Variants in ITGA9 observed in about 807,000 individuals in gnomAD.
The protein encoded by ITGA9 is integrin alpha-9.
A neutral mutation model predicts 127.8 loss-of-function variants in ITGA9; 56 were observed. The ratio of observed to expected loss-of-function variants is 0.44; its 90% CI spans 0.35 to 0.55. The LOEUF (loss-of-function observed/expected upper bound fraction) is 0.55, where lower values mean the gene tolerates loss of function less well. ITGA9 is among the 20% of genes least tolerant of loss of function. The pLI, the probability that ITGA9 is intolerant of heterozygous loss-of-function variation, is 0.00. For synonymous variants in ITGA9, 508 were observed against 514.5 expected, an observed-to-expected ratio of 0.99 and a Z score of 0.17; for missense variants, 1,196 against 1,347.1, an observed-to-expected ratio of 0.89 and a Z score of 1.76.
chr3:37,681,837 C>G (rs768617211), intron 17 of ITGA9, among the ~76,000 whole-genome samples: 1 of 152,030 alleles, frequency 6.6e-6, no homozygotes, highest in Non-Finnish European at 1.5e-5. Flanking sequence ...CATCTCCTCA[C>G]CTCTCAAACG....
At chr3:37,703,578 C>G (rs1425972345) in intron 18 of ITGA9, among the ~76,000 whole-genome samples, 2 of 152,148 alleles carry the variant, frequency 1.3e-5, no homozygotes, top group Admixed American at 6.5e-5. Context: ...ATATTTGTAT[C>G]TATAGTCATA....
At chr3:37,697,181 T>C (rs1194480983) in intron 18 of ITGA9, among the ~76,000 whole-genome samples, 1 of 152,162 alleles carries the variant, frequency 6.6e-6, no homozygotes, top group African/African-American at 2.4e-5. Flanking sequence ...GTACTCAGAC[T>C]TGCTGTATTA....
chr3:37,700,300 T>C (rs1700932235), intron 18 of ITGA9, among the ~76,000 whole-genome samples: 1 of 151,986 alleles, frequency 6.6e-6, no homozygotes, highest in Non-Finnish European at 1.5e-5. Context: ...ACTATTTGTT[T>C]GTTGCTGGTT....
chr3:37,748,918 A>G, intron 22 of ITGA9: 1 of 776,640 alleles, frequency 1.3e-6, no homozygotes, highest in East Asian at 2.4e-5. Context: ...TGTCTAAAAA[A>G]TGAAAGACCT....
intron 15 of ITGA9, among the ~76,000 whole-genome samples, chr3:37,589,919 G>A (rs1575159693): frequency 6.6e-6 from 1 of 152,084 alleles, no homozygotes; most frequent in Non-Finnish European, 1.5e-5. Context: ...CACGCCTTGG[G>A]CCCGCAGGCT....
At chr3:37,739,065 A>G (rs574670657) in intron 20 of ITGA9, among the ~76,000 whole-genome samples, 21 of 152,344 alleles carry the variant, frequency 1.4e-4, no homozygotes, top group Non-Finnish European at 2.6e-4. Context: ...AATGATTCTA[A>G]TGAGCAGCCA....
intron 26 of ITGA9, among the ~76,000 whole-genome samples, chr3:37,785,315 A>T (rs115705034): frequency 7.6e-4 from 116 of 152,292 alleles, no homozygotes; most frequent in Middle Eastern, 6.8e-3. Context: ...GTTTCCTGCT[A>T]TGATTGTCCA....
Position 37,496,341 on chromosome 3 carries a change from G to A in ITGA9, c.612+1773G>A, listed in dbSNP as rs367736388. On this transcript the variant is annotated intron_variant, in intron 5 of 27. Coordinates refer to ENST00000264741, the MANE Select transcript of ITGA9 (RefSeq NM_002207.3). ...CAGTCGACAGAGTTCTATGCCCTGG[G>A]AATGGCACCGCCAATCATCCTAACC... 2.0e-5 allele frequency among the ~76,000 whole-genome samples: 3 copies of A among 152,242 alleles called. No individual in the cohort carries two copies. The East Asian group carries it at 5.8e-4, about 29-fold the overall frequency.
chr3:37,533,661 A>G (rs146190569), intron 14 of ITGA9, among the ~76,000 whole-genome samples, 193 bp downstream of exon 14: 103 of 152,300 alleles, frequency 6.8e-4, no homozygotes, highest in African/African-American at 2.3e-3. Context: ...AATGTCACAC[A>G]ACCTCCAGCT....
intron 15 of ITGA9, among the ~76,000 whole-genome samples, chr3:37,593,542 A>G (rs1353172476): frequency 6.6e-6 from 1 of 152,194 alleles, no homozygotes; most frequent in African/African-American, 2.4e-5. Flanking sequence ...CCTTCGTGCT[A>G]TGTCCTCACA....
chr3:37,742,365 A>G (rs908497633), intron 21 of ITGA9, among the ~76,000 whole-genome samples: 2 of 152,124 alleles, frequency 1.3e-5, no homozygotes, highest in African/African-American at 2.4e-5. Flanking sequence ...TGGGCAGGGA[A>G]CCATCCCATC....
chr3:37,793,228 CT>C (rs2125557773), intron 26 of ITGA9, among the ~76,000 whole-genome samples: 1 of 152,172 alleles, frequency 6.6e-6, no homozygotes, highest in African/African-American at 2.4e-5. Context: ...TACCCCCTCA[CT>C]GGACCCGTGG....
chr3:37,524,027 G>A (rs1265021919), intron 12 of ITGA9, among the ~76,000 whole-genome samples: 1 of 152,102 alleles, frequency 6.6e-6, no homozygotes, highest in Non-Finnish European at 1.5e-5. Flanking sequence ...GAAATAAAAT[G>A]ATGGAGAAAG....
intron 15 of ITGA9, among the ~76,000 whole-genome samples, chr3:37,616,641 G>T (rs1161108622): frequency 6.6e-6 from 1 of 152,120 alleles, no homozygotes. Flanking sequence ...TATGAATCTG[G>T]GTGCTCCTGT....
chr3:37,698,110 TC>T (rs1700905763), intron 18 of ITGA9, among the ~76,000 whole-genome samples: 1 of 152,242 alleles, frequency 6.6e-6, no homozygotes, highest in Non-Finnish European at 1.5e-5. Context: ...TTTTCATGTG[TC>T]TTTTGGCTGC....
intron 15 of ITGA9, among the ~76,000 whole-genome samples, chr3:37,620,547 A>G (rs1700118159): frequency 6.6e-6 from 1 of 152,170 alleles, no homozygotes; most frequent in African/African-American, 2.4e-5. Context: ...ACATCTGAGA[A>G]AACAAGCTCA....
chr3:37,739,721 T>G (rs935642509), intron 20 of ITGA9, among the ~76,000 whole-genome samples: 5 of 152,200 alleles, frequency 3.3e-5, no homozygotes, highest in African/African-American at 9.7e-5. Flanking sequence ...ACTCTTCAAC[T>G]TAGCTCATTC....
At chr3:37,567,194 G>A (rs760442544) in intron 15 of ITGA9, among the ~76,000 whole-genome samples, 9 of 152,340 alleles carry the variant, frequency 5.9e-5, no homozygotes, top group South Asian at 2.1e-4. Flanking sequence ...CGAAAGGCAC[G>A]TCTTACATGG....
At chr3:37,543,834 T>C (rs1267734606) in intron 15 of ITGA9, among the ~76,000 whole-genome samples, 1 of 152,254 alleles carries the variant, frequency 6.6e-6, no homozygotes, top group Non-Finnish European at 1.5e-5. Context: ...GGCTGGGCTG[T>C]GTCTTCTGCC....
Sources: allele counts gnomAD v4.1 joint callset (sites outside exome capture counted in the v4.1 genomes callset), GRCh38; gene constraint gnomAD v4.1.1; transcripts MANE v1.5; gene names NCBI Gene and HGNC (gene_info 2026-07-23, HGNC 2026-07-21).